The following AZGP1 variants were observed in gnomAD, a reference collection of about 807,000 sequenced individuals.
AZGP1 encodes alpha-2-glycoprotein 1, zinc-binding, also known as zinc-alpha-2-glycoprotein.
A neutral mutation model predicts 31.5 loss-of-function variants in AZGP1; 28 were observed. The observed-to-expected ratio is 0.89, with a 90% CI of 0.66 to 1.22. The LOEUF (loss-of-function observed/expected upper bound fraction) is 1.22. Ranked by LOEUF, AZGP1 falls within the 50% of genes most tolerant of loss-of-function variation. The probability of loss-of-function intolerance (pLI) is 0.00; values close to 1 mark genes in which losing one functional copy is unlikely to be tolerated. For synonymous variants in AZGP1, 135 were observed against 145.4 expected (o/e 0.93, Z 0.51); for missense variants, 361 against 371.8 (o/e 0.97, Z 0.24).
intron 2 of AZGP1, chr7:99,968,777 A>G: frequency 3.6e-6 from 1 of 279,674 alleles, no homozygotes; most frequent in East Asian, 1.1e-4. Flanking sequence ...AGCCAGGGTG[A>G]TATGGCGAAA....
intron 2 of AZGP1, among the ~76,000 whole-genome samples, chr7:99,970,189 C>T (rs1179632664): frequency 6.6e-6 from 1 of 152,158 alleles, no homozygotes; most frequent in East Asian, 1.9e-4. Context: ...ATAGATGGGC[C>T]TGGCACAAAG....
chr7:99,973,886 A>G (rs1238694651), intron 1 of AZGP1, among the ~76,000 whole-genome samples: 1 of 150,396 alleles, frequency 6.6e-6, no homozygotes, highest in African/African-American at 2.5e-5. Flanking sequence ...ACTGCATTCC[A>G]GCCTGGGCAA....
chr7:99,974,557 T>C (rs1584302381), intron 1 of AZGP1, among the ~76,000 whole-genome samples: 1 of 151,188 alleles, frequency 6.6e-6, no homozygotes, highest in African/African-American at 2.4e-5. Context: ...ACTGCACTCC[T>C]GCCTGGGTGA....
In AZGP1 at chr7:99,975,964, G is replaced by C. The variant is rs765559995; in HGVS notation, c.57C>G (p.Val19=). Residue 19 remains valine (V), a synonymous_variant, in exon 1 of 4, where the codon GTC becomes GTG. Coordinates refer to ENST00000292401, the MANE Select transcript of AZGP1 (RefSeq NM_001185.4). The part of the protein sequence containing the change: ...LSLLLLLGPA[V]PQENQDGRYS... ...ACTCACCATCTTGGTTCTCCTGGGG[G>C]ACAGCAGGACCCAGAAGCAGCAGCA... 1.2e-6 allele frequency: 2 copies of C among 1,614,034 alleles called. No homozygotes were observed. Among genetic ancestry groups the C allele is most frequent in the Admixed American group, 1.7e-5 (1 of 60,006 alleles).
At chr7:99,968,660 T>C (rs976935539) in intron 2 of AZGP1, 42 of 577,368 alleles carry the variant, frequency 7.3e-5, no homozygotes, top group Non-Finnish European at 1.2e-4. Context: ...ATGAGATATG[T>C]TCCTCCTTAA....
At chr7:99,967,470 T>A in intron 3 of AZGP1, 184 bp from the exon 4 acceptor site, 1 of 652,168 alleles carries the variant, frequency 1.5e-6, no homozygotes, top group Non-Finnish European at 2.6e-6. Flanking sequence ...TCTTGCCCAA[T>A]CCCCACCTCA....
intron 2 of AZGP1, chr7:99,971,459 G>A (rs999988079): frequency 1.8e-4 from 66 of 365,606 alleles, no homozygotes; most frequent in Non-Finnish European, 3.5e-5. Context: ...CCTCCGATGG[G>A]TGGGGTGTGG....
At position 99,967,031 on chromosome 7, in the gene AZGP1, G is replaced by T. The variant is rs1160966636; in HGVS notation, c.869C>A (p.Pro290His). ...GCTGGCCTCCCAGGGCACCACGAGGGGCTGGGCCAGGCTGCTGTGCTGCAC... is the reference window on the plus strand; with the variant it reads ...GCTGGCCTCCCAGGGCACCACGAGGTGCTGGGCCAGGCTGCTGTGCTGCAC... ...CHVQHSSLAQ[P>H]LVVPWEAS The change falls in exon 4 of 4, where the codon CCC becomes CAC. Residue 290 changes from proline to histidine, a missense_variant. Transcript: ENST00000292401. The T allele has an allele frequency of 1.2e-6, 2 of 1,613,928 alleles. No homozygotes were observed. The highest frequency in any genetic ancestry group is 2.2e-5 in the East Asian group (1 of 44,902).
chr7:99,972,061 G>T, intron 1 of AZGP1, 55 bp from the exon 2 acceptor site: 1 of 1,535,058 alleles, frequency 6.5e-7, no homozygotes, highest in Non-Finnish European at 8.7e-7. Context: ...CCACTGTGGG[G>T]CTGCATAGGG....
At chr7:99,974,930 C>T (rs1167328825) in intron 1 of AZGP1, among the ~76,000 whole-genome samples, 1 of 152,164 alleles carries the variant, frequency 6.6e-6, no homozygotes, top group Non-Finnish European at 1.5e-5. Flanking sequence ...AGAATTCTGC[C>T]TACAGTCTGC....
At chr7:99,969,876 A>T (rs960978410) in intron 2 of AZGP1, among the ~76,000 whole-genome samples, 4 of 152,186 alleles carry the variant, frequency 2.6e-5, no homozygotes, top group African/African-American at 9.7e-5. Flanking sequence ...TAAAGCCCCA[A>T]CCTTCTTGCC....
At chr7:99,975,157 T>C (rs774508220) in intron 1 of AZGP1, among the ~76,000 whole-genome samples, 5 of 151,646 alleles carry the variant, frequency 3.3e-5, no homozygotes, top group Non-Finnish European at 4.4e-5. Context: ...TGTACGTACA[T>C]ATATATGTAT....
intron 3 of AZGP1, 49 bp from the exon 4 acceptor site, chr7:99,967,335 C>A (rs759326708): frequency 1.8e-5 from 28 of 1,575,608 alleles, no homozygotes; most frequent in Non-Finnish European, 2.2e-5. Flanking sequence ...GGACTTCTCC[C>A]GGCCCAGGTC....
chr7:99,968,452 CAG>C, intron 2 of AZGP1, 22 bp from the exon 3 acceptor site: 1 of 1,607,548 alleles, frequency 6.2e-7, no homozygotes. Flanking sequence ...CCCGACCCCA[CAG>C]AGAGACAGTC....
chr7:99,971,871 A>T lies in AZGP1; in HGVS notation c.212T>A (p.Met71Lys). Residue 71 changes from methionine (M) to lysine (K), a missense_variant, in exon 2 of 4, where the codon ATG becomes AAG. Transcript: ENST00000292401. ...YNSKDRKSQP[M>K]GLWRQVEGME... ...TCCTTCCACCTGTCTCCAGAGTCCCATGGGCTGAGACTTCCTGTCTTTACT... is the reference window on the plus strand; with the variant it reads ...TCCTTCCACCTGTCTCCAGAGTCCCTTGGGCTGAGACTTCCTGTCTTTACT... The T allele has an allele frequency of 6.2e-7, 1 of 1,614,092 alleles. No homozygotes were observed. Among genetic ancestry groups the T allele is most frequent in the Non-Finnish European group, 8.5e-7 (1 of 1,180,014 alleles).
chr7:99,966,889 G>T lies in AZGP1; in HGVS notation c.*114C>A. 8 of 1,426,870 alleles carry T rather than the reference G, an allele frequency of 5.6e-6. No individual in the cohort carries two copies. The highest frequency in any genetic ancestry group is 5.1e-4 in the Middle Eastern group (2 of 3,898). 88.4% of individuals were successfully genotyped at this position (1,426,870 alleles called of 1,614,324 possible). ...CACCTCCTGTCTGTCCCCCCACACT[G>T]CTCCTCAGGCCTTGTGGATCCATTG... On this transcript the variant is annotated 3_prime_UTR_variant, in exon 4 of 4. Coordinates refer to ENST00000292401, the MANE Select transcript of AZGP1 (RefSeq NM_001185.4).
At chr7:99,967,423 G>A in intron 3 of AZGP1, 137 bp from the exon 4 acceptor site, 1 of 980,082 alleles carries the variant, frequency 1.0e-6, no homozygotes, top group South Asian at 1.7e-5. Context: ...AGCCCCGGGA[G>A]ACTTTCCAGA....
In AZGP1 at chr7:99,968,393, G is replaced by A. The variant is rs3735450; in HGVS notation, c.375C>T (p.Ile125=). ...ATGCTCCGCTGCTTCTGTTATTCTCGATCTCACAACCAAACCTTCCCTGCA... is the reference window on the plus strand; with the variant it reads ...ATGCTCCGCTGCTTCTGTTATTCTCAATCTCACAACCAAACCTTCCCTGCA... ...HVLQGRFGCE[I]ENNRSSGAFW... Residue 125 remains isoleucine, a synonymous_variant, in exon 3 of 4, where the codon ATC becomes ATT. Transcript: ENST00000292401. 754 of 1,613,502 alleles carry A rather than the reference G, an allele frequency of 4.7e-4. 7 individuals are homozygous for A. In the East Asian group the frequency reaches 0.015, roughly 33 times the overall value.
chr7:99,971,483 T>C (rs549553393), intron 2 of AZGP1: 3 of 451,422 alleles, frequency 6.6e-6, no homozygotes, highest in East Asian at 8.1e-5. Context: ...TGAGAGGTCA[T>C]AGGTGCCTGG....
Sources: gnomAD v4.1 joint callset for allele counts (sites outside exome capture counted in the v4.1 genomes callset) on GRCh38, gnomAD v4.1.1 for gene constraint, MANE v1.5 for transcripts, NCBI Gene and HGNC (gene_info 2026-07-23, HGNC 2026-07-21) for gene names.